Variants in IQGAP3 observed in about 807,000 individuals in gnomAD.
IQGAP3 encodes the protein IQ motif containing GTPase activating protein 3.
A neutral mutation model predicts 208.2 loss-of-function variants in IQGAP3; 165 were observed. That is an observed-to-expected ratio of 0.79 (90% CI 0.70 to 0.90). The LOEUF (loss-of-function observed/expected upper bound fraction) is 0.90, where lower values mean the gene tolerates loss of function less well. Ranked by LOEUF, IQGAP3 falls within the 40% of genes least tolerant of loss-of-function variation. The probability of loss-of-function intolerance (pLI) is 0.00; values close to 1 mark genes in which losing one functional copy is unlikely to be tolerated. For missense variants in IQGAP3, 1,811 were observed against 2,043.1 expected (o/e 0.89, Z 2.19); for synonymous variants, 703 against 803.6 (o/e 0.87, Z 2.12).
intron 10 of IQGAP3, 47 bp downstream of exon 10, chr1:156,561,791 T>C: frequency 6.3e-7 from 1 of 1,585,590 alleles, no homozygotes; most frequent in South Asian, 1.1e-5. Flanking sequence ...CCCTCTCCTA[T>C]CCTATAGTCA....
chr1:156,542,235 G>A (rs1327099555), intron 22 of IQGAP3, among the ~76,000 whole-genome samples: 1 of 152,134 alleles, frequency 6.6e-6, no homozygotes, highest in Non-Finnish European at 1.5e-5. Flanking sequence ...TGTTGTCCAG[G>A]TTGGAATTCA....
intron 19 of IQGAP3, 125 bp downstream of exon 19, chr1:156,547,948 C>T: frequency 1.2e-6 from 1 of 856,072 alleles, no homozygotes; most frequent in Non-Finnish European, 1.8e-6. Context: ...AGAACCTATG[C>T]TTTTAACCAC....
chr1:156,534,750 C>A lies in IQGAP3; in HGVS notation c.3508-17G>T. The A allele has an allele frequency of 6.6e-7, 1 of 1,504,198 alleles. No homozygotes were observed. Among genetic ancestry groups the A allele is most frequent in the Non-Finnish European group, 8.9e-7 (1 of 1,125,190 alleles). The allele number at this position is 1,504,198 out of a possible 1,614,324, so 93.2% of individuals were successfully genotyped here. A position where few individuals can be genotyped will look rare whatever the true frequency, so the allele number is the denominator to read the frequency against. ...CCCGACCACCTGAGGGCAAAGGAGA[C>A]TCTCCCAGAAGTGTCCAGGGGCCGC... On this transcript the variant is annotated splice_polypyrimidine_tract_variant and intron_variant, in intron 28 of 37. Coordinates refer to ENST00000361170, the MANE Select transcript of IQGAP3 (RefSeq NM_178229.5).
At chr1:156,570,880 T>A (rs759388425) in intron 1 of IQGAP3, among the ~76,000 whole-genome samples, 4 of 152,158 alleles carry the variant, frequency 2.6e-5, no homozygotes, top group Admixed American at 2.0e-4. Context: ...AGCCCATGCA[T>A]AAAATCTATG....
chr1:156,566,537 C>T lies in IQGAP3; in HGVS notation c.135G>A (p.Glu45=). The T allele has an allele frequency of 6.2e-7, 1 of 1,614,032 alleles. No homozygotes were observed. The highest frequency in any genetic ancestry group is 8.5e-7 in the Non-Finnish European group (1 of 1,179,970). ...CRLEEAKRWM[E]ACLKEELPSP... ...AAGGAAGCTCCTCCTTCAGGCAGGC[C>T]TCCATCCAGCTATGAACATGAGAAC... Residue 45 remains glutamate (E), a synonymous_variant, in exon 3 of 38, where the codon GAG becomes GAA. Transcript: ENST00000361170.
chr1:156,552,747 G>A (rs1750301), intron 13 of IQGAP3, among the ~76,000 whole-genome samples: 146,483 of 152,292 alleles, frequency 0.96, 70,711 homozygotes, highest in East Asian at 1. Context: ...CCTGCAGTCA[G>A]TTCTCAGCAC....
Position 156,531,253 on chromosome 1 carries a change from C to T in IQGAP3, c.4104-6G>A, listed in dbSNP as rs1557917247. ...CGGCCAACAGCTGCTTGGTGCTGCA[C>T]AAGGAGGACAGTGACAGAGGAGAGG... On this transcript the variant is annotated splice_region_variant and splice_polypyrimidine_tract_variant and intron_variant, in intron 32 of 37. Transcript: ENST00000361170. The T allele has an allele frequency of 1.2e-6, 2 of 1,611,778 alleles. No homozygotes were observed. The highest frequency in any genetic ancestry group is 1.3e-5 in the African/African-American group (1 of 74,904).
chr1:156,535,323 C>T, intron 27 of IQGAP3, 76 bp from the exon 28 acceptor site: 3 of 1,015,500 alleles, frequency 3.0e-6, no homozygotes, highest in Non-Finnish European at 4.5e-6. Context: ...GCTTGAGTGC[C>T]TGGCTGTCTC....
Position 156,563,779 on chromosome 1 carries a change from T to C in IQGAP3, c.483A>G (p.Leu161=). Residue 161 remains leucine (L), a synonymous_variant, in exon 6 of 38, where the codon CTA becomes CTG. Transcript: ENST00000361170. ...TACCTGTGAATTTCACTTTCCCGTA[T>C]AGATCATGTATCTGAGGGGCCAATC... ...RLGLAPQIHD[L]YGKVKFTAEE... 1.9e-6 allele frequency: 3 copies of C among 1,613,986 alleles called. No homozygotes were observed. The highest frequency in any genetic ancestry group is 1.3e-5 in the African/African-American group (1 of 75,022).
chr1:156,560,707 C>A (rs962898167), intron 11 of IQGAP3, among the ~76,000 whole-genome samples: 7 of 152,150 alleles, frequency 4.6e-5, no homozygotes, highest in African/African-American at 1.7e-4. Context: ...GAGAACAGCC[C>A]AGTGCAGTAT....
In IQGAP3 at chr1:156,542,615, T is replaced by A. The variant is rs139565799; in HGVS notation, c.2530+1366A>T. 2.2e-4 allele frequency among the ~76,000 whole-genome samples: 33 copies of A among 152,312 alleles called. No homozygotes were observed. In the East Asian group the frequency reaches 5.8e-3, roughly 27 times the overall value. ...CTACAAGATAGGTATTAGCATTATG[T>A]CCAGTTTATAAAGGAGAAAAGTGGG... On this transcript the variant is annotated intron_variant, in intron 22 of 37. Transcript: ENST00000361170.
At chr1:156,526,945 G>C (rs1026595237) in intron 37 of IQGAP3, among the ~76,000 whole-genome samples, 8 of 151,938 alleles carry the variant, frequency 5.3e-5, no homozygotes, top group Non-Finnish European at 7.4e-5. Context: ...CGATTTTCCT[G>C]CTTCAGCCTC....
intron 12 of IQGAP3, among the ~76,000 whole-genome samples, chr1:156,554,947 C>T (rs1675755657): frequency 6.6e-6 from 1 of 152,166 alleles, no homozygotes; most frequent in African/African-American, 2.4e-5. Flanking sequence ...ATCCCAGCTA[C>T]TCAGGAGACT....
At chr1:156,561,147 G>A (rs1676132263) in intron 10 of IQGAP3, 126 bp from the exon 11 acceptor site, 1 of 645,186 alleles carries the variant, frequency 1.5e-6, no homozygotes, top group Non-Finnish European at 2.8e-6. Flanking sequence ...CTCTCCGTTA[G>A]GCTGGCTCAC....
At position 156,561,914 on chromosome 1, in the gene IQGAP3, G is replaced by A. The variant is rs1050065735; in HGVS notation, c.965C>T (p.Ala322Val). ...LLKALQDPALALRGVRRDFAD... is the reference protein window; with the variant it reads ...LLKALQDPALVLRGVRRDFAD... ...AAAGTCTCTCCTCACCCCTCGCAGG[G>A]CCAGGGCAGGGTCTTGAAGGGCCTT... is the stretch of plus-strand genomic sequence containing the variant. The change falls in exon 10 of 38, where the codon GCC becomes GTC. Residue 322 changes from alanine (A) to valine (V), a missense_variant. Transcript: ENST00000361170. 3.7e-6 allele frequency: 6 copies of A among 1,613,954 alleles called. No homozygotes were observed. Among genetic ancestry groups the A allele is most frequent in the Non-Finnish European group, 4.2e-6 (5 of 1,179,966 alleles).
chr1:156,527,433 G>A (rs138362132), intron 37 of IQGAP3, among the ~76,000 whole-genome samples: 10,806 of 152,070 alleles, frequency 0.071, 430 homozygotes, highest in Middle Eastern at 0.099. Flanking sequence ...AGCTGAGATT[G>A]CGCCATTGCA....
rs1485175650 is a variant in IQGAP3, at chr1:156,561,087, GCCAGCATGAGCTC to G, written c.1042-79_1042-67del. The stretch of plus-strand genomic sequence containing the variant: ...GGGCCATGACCATGCTTTACGAGTT[GCCAGCATGAGCTC>G]CCAGGTCTACCCAGCCACCTACCCT... On this transcript the variant is annotated intron_variant, in intron 10 of 37. Coordinates refer to ENST00000361170, the MANE Select transcript of IQGAP3 (RefSeq NM_178229.5). 4 of 1,122,332 alleles carry G rather than the reference GCCAGCATGAGCTC, an allele frequency of 3.6e-6. 1 individual carries two copies. Among genetic ancestry groups the G allele is most frequent in the Middle Eastern group, 2.4e-4 (1 of 4,212 alleles). 69.5% of individuals were successfully genotyped at this position (1,122,332 alleles called of 1,614,324 possible). A position where few individuals can be genotyped will look rare whatever the true frequency, so the allele number is the denominator to read the frequency against.
chr1:156,534,029 C>T lies in IQGAP3; in HGVS notation c.3853G>A (p.Glu1285Lys). Reference sequence around the variant, plus strand: ...CTCACCCTGTGCGTGTTGACCAGCTCCCCCACGGTGATGTACACCATGGGT... The same window carrying T: ...CTCACCCTGTGCGTGTTGACCAGCTTCCCCACGGTGATGTACACCATGGGT... The part of the protein sequence containing the change: ...AKPMVYITVG[E>K]LVNTHRLLLE... The change falls in exon 30 of 38, where the codon GAG becomes AAG. Residue 1285 changes from glutamate (E) to lysine (K), a missense_variant. Glu to Lys is a moderately conservative substitution (Grantham distance 56). Coordinates refer to ENST00000361170, the MANE Select transcript of IQGAP3 (RefSeq NM_178229.5). 5 of 1,613,796 alleles carry T rather than the reference C, an allele frequency of 3.1e-6. No individual in the cohort carries two copies. The highest frequency in any genetic ancestry group is 4.2e-6 in the Non-Finnish European group (5 of 1,180,028).
chr1:156,560,125 C>G (rs994460602), intron 11 of IQGAP3, among the ~76,000 whole-genome samples: 3 of 152,240 alleles, frequency 2.0e-5, no homozygotes, highest in Admixed American at 6.5e-5. Context: ...CAGGCTACTG[C>G]ATTTTGCCTC....
Sources: allele counts gnomAD v4.1 joint callset (sites outside exome capture counted in the v4.1 genomes callset), GRCh38; gene constraint gnomAD v4.1.1; transcripts MANE v1.5; gene names NCBI Gene and HGNC (gene_info 2026-07-23, HGNC 2026-07-21).